The following CTNND2 variants were observed in gnomAD, a reference collection of about 807,000 sequenced individuals.
CTNND2 encodes catenin delta 2.
A neutral mutation model predicts 144.4 loss-of-function variants in CTNND2; 22 were observed. The ratio of observed to expected loss-of-function variants is 0.15; its 90% CI spans 0.11 to 0.22. The LOEUF (loss-of-function observed/expected upper bound fraction) is 0.22. Ranked by LOEUF, CTNND2 falls within the 10% of genes least tolerant of loss-of-function variation. The pLI is 1.00. For synonymous variants in CTNND2, 751 were observed against 695.6 expected (o/e 1.08, Z -1.25); for missense variants, 1,353 against 1,618.8 (o/e 0.84, Z 2.82).
At chr5:11,866,354 ATGG>A (rs1417739781) in intron 1 of CTNND2, among the ~76,000 whole-genome samples, 1 of 152,198 alleles carries the variant, frequency 6.6e-6, no homozygotes, top group African/African-American at 2.4e-5. Context: ...CATGAAATTT[ATGG>A]TGATTTGTTA....
At chr5:11,511,824 A>G (rs1389907145) in intron 3 of CTNND2, among the ~76,000 whole-genome samples, 1 of 152,138 alleles carries the variant, frequency 6.6e-6, no homozygotes, top group Non-Finnish European at 1.5e-5. Context: ...TATACCACCT[A>G]TGCACTACAA....
At chr5:11,356,040 T>C (rs1411849506) in intron 8 of CTNND2, among the ~76,000 whole-genome samples, 2 of 151,878 alleles carry the variant, frequency 1.3e-5, no homozygotes, top group African/African-American at 2.4e-5. Flanking sequence ...ATTAAAGAAA[T>C]AGAAGAGGAC....
At chr5:11,787,539 A>T (rs1006768232) in intron 1 of CTNND2, among the ~76,000 whole-genome samples, 1 of 152,224 alleles carries the variant, frequency 6.6e-6, no homozygotes. Flanking sequence ...AGCATTTGTA[A>T]TGTTACCTTT....
chr5:11,052,116 C>T (rs1315174503), intron 16 of CTNND2, among the ~76,000 whole-genome samples: 4 of 152,132 alleles, frequency 2.6e-5, no homozygotes, highest in African/African-American at 2.4e-5. Context: ...AGAGGGTGTA[C>T]AGGTGTGGAC....
At chr5:11,382,605 G>GTGTATA (rs1758623057) in intron 7 of CTNND2, among the ~76,000 whole-genome samples, 1 of 137,790 alleles carries the variant, frequency 7.3e-6, no homozygotes, top group South Asian at 2.3e-4. Context: ...CTGTGTGTGT[G>GTGTATA]TGTGTGTGTG....
chr5:11,156,544 C>T (rs1446727714), intron 12 of CTNND2, among the ~76,000 whole-genome samples: 1 of 152,092 alleles, frequency 6.6e-6, no homozygotes, highest in East Asian at 1.9e-4. Flanking sequence ...ATTCCTGAAA[C>T]AATAGCTACA....
At chr5:11,013,228 T>G (rs1263726992) in intron 18 of CTNND2, among the ~76,000 whole-genome samples, 1 of 152,214 alleles carries the variant, frequency 6.6e-6, no homozygotes, top group Non-Finnish European at 1.5e-5. Flanking sequence ...CCAATCAGAC[T>G]TCTCCATGGG....
intron 2 of CTNND2, among the ~76,000 whole-genome samples, chr5:11,676,648 T>C (rs1784190695): frequency 6.6e-6 from 1 of 152,034 alleles, no homozygotes; most frequent in Admixed American, 6.5e-5. Flanking sequence ...TTTCAATACC[T>C]GAAAAAAATC....
intron 16 of CTNND2, among the ~76,000 whole-genome samples, chr5:11,069,469 T>A (rs1011001849): frequency 6.6e-6 from 1 of 152,176 alleles, no homozygotes; most frequent in Admixed American, 6.5e-5. Context: ...GAAAATGTTA[T>A]CCGTAGGGAC....
At chr5:11,663,500 T>C (rs1424890387) in intron 2 of CTNND2, among the ~76,000 whole-genome samples, 2 of 152,108 alleles carry the variant, frequency 1.3e-5, no homozygotes, top group East Asian at 1.9e-4. Context: ...AGGAAAACCA[T>C]TAAAATATGA....
chr5:11,204,364 T>C (rs1235544404), intron 10 of CTNND2, among the ~76,000 whole-genome samples: 1 of 152,194 alleles, frequency 6.6e-6, no homozygotes, highest in East Asian at 1.9e-4. Context: ...TCCGCTGCTT[T>C]GAAGTATGTT....
chr5:11,777,304 A>T (rs73743233), intron 1 of CTNND2, among the ~76,000 whole-genome samples: 2,700 of 152,334 alleles, frequency 0.018, 89 homozygotes, highest in African/African-American at 0.062. Context: ...ATTCCTCCAA[A>T]GATGGCATTT....
At chr5:11,881,021 C>G (rs555681868) in intron 1 of CTNND2, among the ~76,000 whole-genome samples, 40 of 148,740 alleles carry the variant, frequency 2.7e-4, no homozygotes, top group African/African-American at 9.8e-4. Context: ...ACTACTACTA[C>G]CACTACTACT....
At chr5:11,751,002 ACACT>A (rs1788580636) in intron 1 of CTNND2, among the ~76,000 whole-genome samples, 1 of 151,822 alleles carries the variant, frequency 6.6e-6, no homozygotes, top group Non-Finnish European at 1.5e-5. Context: ...GATTTCATAG[ACACT>A]CACCTGTCCG....
At chr5:11,507,450 A>C (rs188564833) in intron 3 of CTNND2, among the ~76,000 whole-genome samples, 270 of 152,290 alleles carry the variant, frequency 1.8e-3, no homozygotes, top group Non-Finnish European at 3.3e-3. Context: ...AGAGGCAGAA[A>C]GGAACTGGGC....
At chr5:11,595,698 C>A (rs985768178) in intron 2 of CTNND2, among the ~76,000 whole-genome samples, 1 of 152,122 alleles carries the variant, frequency 6.6e-6, no homozygotes, top group Non-Finnish European at 1.5e-5. Flanking sequence ...CATTGGCATA[C>A]CTGATGTTGT....
At chr5:11,688,576 G>T (rs977277039) in intron 2 of CTNND2, among the ~76,000 whole-genome samples, 1 of 152,122 alleles carries the variant, frequency 6.6e-6, no homozygotes, top group Non-Finnish European at 1.5e-5. Context: ...TCTTGCATGG[G>T]TTATCTAAAT....
chr5:11,736,351 A>C (rs1787682392), intron 1 of CTNND2, among the ~76,000 whole-genome samples: 2 of 152,226 alleles, frequency 1.3e-5, no homozygotes, highest in Admixed American at 1.3e-4. Context: ...TTACAGCAAT[A>C]ACAGAAAGAG....
intron 1 of CTNND2, among the ~76,000 whole-genome samples, chr5:11,840,586 T>C (rs142513802): frequency 1.3e-5 from 2 of 152,328 alleles, no homozygotes; most frequent in East Asian, 1.9e-4. Flanking sequence ...CACATTTTGA[T>C]CTGAATGCTA....
Sources: allele counts gnomAD v4.1 joint callset (sites outside exome capture counted in the v4.1 genomes callset), GRCh38; gene constraint gnomAD v4.1.1; transcripts MANE v1.5; gene names NCBI Gene and HGNC (gene_info 2026-07-23, HGNC 2026-07-21).